Variants in ITGA8 observed in about 807,000 individuals in gnomAD.
The protein encoded by ITGA8 is integrin subunit alpha 8, also known as integrin alpha-8.
In ITGA8, 91 loss-of-function variants were observed where a neutral mutation model predicts 142.3. The observed-to-expected ratio is 0.64, with a 90% CI of 0.54 to 0.76. ITGA8 has a LOEUF of 0.76. Among genes scored for constraint, ITGA8 ranks in the 30% least tolerant of loss-of-function variants. ITGA8 has a pLI of 0.00. For missense variants in ITGA8, 1,406 were observed against 1,327.7 expected (o/e 1.06, Z -0.92); for synonymous variants, 505 against 485.2 (o/e 1.04, Z -0.54).
chr10:15,529,483 G>T (rs1388128735), intron 28 of ITGA8, among the ~76,000 whole-genome samples: 1 of 152,158 alleles, frequency 6.6e-6, no homozygotes, highest in Non-Finnish European at 1.5e-5. Flanking sequence ...TGAAAACCTT[G>T]GATTTTCCTC....
chr10:15,616,368 G>T lies in ITGA8; in HGVS notation c.1445+146C>A, dbSNP rs1444847981. 3 of 670,238 alleles carry T rather than the reference G, an allele frequency of 4.5e-6. No individual in the cohort carries two copies. In the African/African-American group the frequency reaches 5.4e-5, roughly 12 times the overall value. The allele number at this position is 670,238 out of a possible 1,614,324, so 41.5% of individuals were successfully genotyped here. A position where few individuals can be genotyped will look rare whatever the true frequency, so the allele number is the denominator to read the frequency against. Reference sequence around the variant, plus strand: ...TAAAAATGCAAAGGAAAGAAAGAGTGAGAGCAAAAAATACCTCTAGACTTT... The same window carrying T: ...TAAAAATGCAAAGGAAAGAAAGAGTTAGAGCAAAAAATACCTCTAGACTTT... On this transcript the variant is annotated intron_variant, in intron 14 of 29. Coordinates refer to ENST00000378076, the MANE Select transcript of ITGA8 (RefSeq NM_003638.3).
At chr10:15,522,843 C>G (rs1349728182) in intron 28 of ITGA8, among the ~76,000 whole-genome samples, 3 of 152,120 alleles carry the variant, frequency 2.0e-5, no homozygotes, top group Non-Finnish European at 4.4e-5. Context: ...GAAACTCTGT[C>G]TCTACTAAAA....
chr10:15,612,064 A>C (rs376900154), intron 15 of ITGA8, among the ~76,000 whole-genome samples: 1 of 152,186 alleles, frequency 6.6e-6, no homozygotes, highest in East Asian at 1.9e-4. Flanking sequence ...ATGCAGGGGT[A>C]AGGATAAACG....
At chr10:15,645,311 A>G (rs1278559044) in intron 12 of ITGA8, among the ~76,000 whole-genome samples, 1 of 152,148 alleles carries the variant, frequency 6.6e-6, no homozygotes. Flanking sequence ...CAGAGAAGCT[A>G]GGACCTCCCT....
At chr10:15,626,909 C>T (rs1298791587) in intron 13 of ITGA8, among the ~76,000 whole-genome samples, 4 of 152,158 alleles carry the variant, frequency 2.6e-5, no homozygotes, top group Non-Finnish European at 5.9e-5. Flanking sequence ...TTGAGCCCTC[C>T]AGTCTGTGAT....
At chr10:15,591,270 C>T (rs1201586548) in intron 22 of ITGA8, among the ~76,000 whole-genome samples, 1 of 151,848 alleles carries the variant, frequency 6.6e-6, no homozygotes, top group Non-Finnish European at 1.5e-5. Context: ...ATATAGAAGG[C>T]TTTCATGTCC....
In ITGA8 at chr10:15,558,119, A is replaced by G; in HGVS notation, c.2721T>C (p.Asp907=). The G allele has an allele frequency of 1.2e-6, 2 of 1,614,230 alleles. No individual in the cohort carries two copies. Among genetic ancestry groups the G allele is most frequent in the Non-Finnish European group, 1.7e-6 (2 of 1,180,042 alleles). ...GTCTGTGGAATTCGACCACATGTACATCCCTCTTCCTGACAAGATGAGGAA... is the reference window on the plus strand; with the variant it reads ...GTCTGTGGAATTCGACCACATGTACGTCCCTCTTCCTGACAAGATGAGGAA... ...STIPHLVRKR[D]VHVVEFHRQS... The change falls in exon 26 of 30, where the codon GAT becomes GAC. Residue 907 remains aspartate (D), a synonymous_variant. Coordinates refer to ENST00000378076, the MANE Select transcript of ITGA8 (RefSeq NM_003638.3).
intron 25 of ITGA8, among the ~76,000 whole-genome samples, chr10:15,569,014 C>G (rs189164888): frequency 1.8e-4 from 27 of 152,190 alleles, no homozygotes; most frequent in African/African-American, 5.8e-4. Flanking sequence ...GGAAGTCTGG[C>G]TTATTTTTCA....
intron 8 of ITGA8, among the ~76,000 whole-genome samples, chr10:15,667,606 A>T (rs541453304): frequency 6.6e-6 from 1 of 150,854 alleles, no homozygotes; most frequent in Non-Finnish European, 1.5e-5. Context: ...TTTAATTGTG[A>T]TGTTAGGGTG....
chr10:15,589,252 A>G (rs1588661433), intron 22 of ITGA8, among the ~76,000 whole-genome samples: 1 of 152,186 alleles, frequency 6.6e-6, no homozygotes, highest in East Asian at 1.9e-4. Context: ...CTGCATTCTA[A>G]CATTCCCTCT....
At chr10:15,646,119 T>C (rs1588696014) in intron 12 of ITGA8, among the ~76,000 whole-genome samples, 1 of 152,146 alleles carries the variant, frequency 6.6e-6, no homozygotes, top group East Asian at 1.9e-4. Flanking sequence ...TAAAAATAAT[T>C]CCTGCCTCTA....
At chr10:15,593,606 T>C (rs1391765751) in intron 21 of ITGA8, among the ~76,000 whole-genome samples, 2 of 152,188 alleles carry the variant, frequency 1.3e-5, no homozygotes, top group Non-Finnish European at 2.9e-5. Context: ...TCAGTAATAA[T>C]ATGAACGAAT....
rs76667944 is a variant in ITGA8, at chr10:15,715,241, C to T, written c.343+3525G>A. ...GACCCATCATTCCCACCAAGACAAA[C>T]CCTGCTTCTACAATGCTTCCACCAA... is the stretch of plus-strand genomic sequence containing the variant. On this transcript the variant is annotated intron_variant, in intron 2 of 29. Coordinates refer to ENST00000378076, the MANE Select transcript of ITGA8 (RefSeq NM_003638.3). Among the ~76,000 whole-genome samples, 1,448 of 152,142 alleles carry T rather than the reference C, an allele frequency of 9.5e-3. 18 individuals carry two copies. The highest frequency in any genetic ancestry group is 0.033 in the African/African-American group (1,385 of 41,478).
intron 28 of ITGA8, among the ~76,000 whole-genome samples, chr10:15,521,155 G>C (rs1833060206): frequency 6.6e-6 from 1 of 152,024 alleles, no homozygotes; most frequent in African/African-American, 2.4e-5. Context: ...AGTAGCTGGG[G>C]TTATAGGCAT....
chr10:15,670,822 A>G (rs1588712617), intron 8 of ITGA8, among the ~76,000 whole-genome samples: 1 of 152,308 alleles, frequency 6.6e-6, no homozygotes, highest in Non-Finnish European at 1.5e-5. Context: ...AGCTGAGCCC[A>G]GACTTTGCTC....
intron 28 of ITGA8, among the ~76,000 whole-genome samples, chr10:15,527,838 T>G (rs1833204748): frequency 6.6e-6 from 1 of 151,222 alleles, no homozygotes; most frequent in Admixed American, 6.6e-5. Flanking sequence ...AGATTAGAGC[T>G]CTGATGCTTC....
chr10:15,610,848 C>CTG (rs1166991645), intron 15 of ITGA8, among the ~76,000 whole-genome samples: 4 of 152,160 alleles, frequency 2.6e-5, no homozygotes, highest in Non-Finnish European at 5.9e-5. Flanking sequence ...GGTTGGACAA[C>CTG]TGGGTCGTTA....
At chr10:15,556,016 CTCTTTTTTTTT>C (rs1833881960) in intron 26 of ITGA8, among the ~76,000 whole-genome samples, 2 of 94,548 alleles carry the variant, frequency 2.1e-5, no homozygotes, top group Non-Finnish European at 4.2e-5. Flanking sequence ...GTCTCTCTCT[CTCTTTTTTTTT>C]TTTTTTTTTT....
At chr10:15,678,616 T>G in intron 5 of ITGA8, 106 bp downstream of exon 5, 1 of 738,178 alleles carries the variant, frequency 1.4e-6, no homozygotes, top group East Asian at 2.5e-5. Flanking sequence ...CTCAAGATTC[T>G]TTGGTTCTTT....
Sources: allele counts gnomAD v4.1 joint callset (sites outside exome capture counted in the v4.1 genomes callset), GRCh38; gene constraint gnomAD v4.1.1; transcripts MANE v1.5; gene names NCBI Gene and HGNC (gene_info 2026-07-23, HGNC 2026-07-21).